The following SLIT2 variants were observed in gnomAD, a reference collection of about 807,000 sequenced individuals.
The protein encoded by SLIT2 is slit guidance ligand 2.
Under a neutral mutation model 185.7 loss-of-function variants are expected in SLIT2, and 41 were observed. That is an observed-to-expected ratio of 0.22 (90% CI 0.17 to 0.29). The LOEUF (loss-of-function observed/expected upper bound fraction) is 0.29, where lower values mean the gene tolerates loss of function less well. Ranked by LOEUF, SLIT2 falls within the 10% of genes least tolerant of loss-of-function variation. The pLI, the probability that SLIT2 is intolerant of heterozygous loss-of-function variation, is 1.00. For synonymous variants in SLIT2, 693 were observed against 680.2 expected (o/e 1.02, Z -0.29); for missense variants, 1,571 against 1,909.0 (o/e 0.82, Z 3.30).
chr4:20,484,234 A>G lies in SLIT2; in HGVS notation c.540-1966A>G, dbSNP rs1314566829. Reference sequence around the variant, plus strand: ...GCTATATACTATAAAGATTTTAGCCATATTAAGTCAGCATAAATTTTGAGG... The same window carrying G: ...GCTATATACTATAAAGATTTTAGCCGTATTAAGTCAGCATAAATTTTGAGG... On this transcript the variant is annotated intron_variant, in intron 6 of 36. Coordinates refer to ENST00000504154, the MANE Select transcript of SLIT2 (RefSeq NM_004787.4). The surrounding 1 kb of genome is among the most constrained non-coding windows in gnomAD (Gnocchi z 4.3). Among the ~76,000 whole-genome samples, 2 of 152,166 alleles carry G rather than the reference A, an allele frequency of 1.3e-5. No homozygotes were observed. The highest frequency in any genetic ancestry group is 1.9e-4 in the East Asian group (1 of 5,188).
chr4:20,375,553 G>T (rs1273300854), intron 4 of SLIT2, among the ~76,000 whole-genome samples: 4 of 152,008 alleles, frequency 2.6e-5, no homozygotes, highest in Admixed American at 2.0e-4. Flanking sequence ...CTAGGCTCTG[G>T]ATTTAGTTTT....
chr4:20,590,005 A>G (rs565090203), intron 30 of SLIT2, among the ~76,000 whole-genome samples: 23 of 139,584 alleles, frequency 1.6e-4, no homozygotes, highest in Admixed American at 2.5e-4. Context: ...TCCCAGGTTC[A>G]CGCCATTCTC....
intron 24 of SLIT2, among the ~76,000 whole-genome samples, chr4:20,549,596 G>A (rs1029105080): frequency 1.3e-5 from 2 of 151,782 alleles, no homozygotes; most frequent in Non-Finnish European, 2.9e-5. Flanking sequence ...TTTTTCAGAT[G>A]CATTTTTTTC....
At chr4:20,382,271 G>A (rs1037367364) in intron 4 of SLIT2, among the ~76,000 whole-genome samples, 1 of 152,076 alleles carries the variant, frequency 6.6e-6, no homozygotes, top group Non-Finnish European at 1.5e-5. Context: ...ATGGTGAAAT[G>A]CTTTTCCTCC....
At chr4:20,500,005 A>G (rs1162037214) in intron 9 of SLIT2, among the ~76,000 whole-genome samples, 2 of 152,216 alleles carry the variant, frequency 1.3e-5, no homozygotes, top group African/African-American at 2.4e-5. Context: ...AAAATACAGT[A>G]CAAAACTTGA....
chr4:20,266,314 T>C (rs1713032712), intron 3 of SLIT2, among the ~76,000 whole-genome samples: 1 of 151,958 alleles, frequency 6.6e-6, no homozygotes, highest in African/African-American at 2.4e-5. Context: ...TGAATTTGTT[T>C]AAACACATTG....
chr4:20,420,091 T>C (rs1019268018), intron 4 of SLIT2, among the ~76,000 whole-genome samples: 2 of 152,162 alleles, frequency 1.3e-5, no homozygotes, highest in African/African-American at 4.8e-5. Context: ...TCCAAATCAT[T>C]CCCTACTCAT....
chr4:20,577,600 T>C lies in SLIT2; in HGVS notation c.3088+8596T>C, dbSNP rs11941254. 9.0e-3 allele frequency among the ~76,000 whole-genome samples: 1,370 copies of C among 152,250 alleles called. 19 individuals are homozygous for C. Among genetic ancestry groups the C allele is most frequent in the African/African-American group, 0.031 (1,292 of 41,536 alleles). On this transcript the variant is annotated intron_variant, in intron 29 of 36. Coordinates refer to ENST00000504154, the MANE Select transcript of SLIT2 (RefSeq NM_004787.4). ...TATGTAACAAATAGGGCCTGCCTGG[T>C]TTAGCAAAAGAGGAGAAAATATACA...
At position 20,524,132 on chromosome 4, in the gene SLIT2, A is replaced by T. The variant is rs1387523730; in HGVS notation, c.1393A>T (p.Asn465Tyr). 4 of 1,614,074 alleles carry T rather than the reference A, an allele frequency of 2.5e-6. No individual in the cohort carries two copies. The highest frequency in any genetic ancestry group is 3.4e-6 in the Non-Finnish European group (4 of 1,180,044). Residue 465 changes from asparagine (N) to tyrosine (Y), a missense_variant, in exon 14 of 37, where the codon AAC becomes TAC. This residue lies in a region of SLIT2 where 1,202 missense variants were observed against 1,416.4 expected (regional missense o/e 0.85). Transcript: ENST00000504154. ...TTGCACCAGCCCCCGCCGCCTGGCA[A>T]ACAAAAGAATTGGACAGATCAAAAG... ...ARCTSPRRLANKRIGQIKSKK... is the reference protein window; with the variant it reads ...ARCTSPRRLAYKRIGQIKSKK...
At chr4:20,292,693 A>G (rs1716077320) in intron 4 of SLIT2, among the ~76,000 whole-genome samples, 1 of 152,204 alleles carries the variant, frequency 6.6e-6, no homozygotes, top group South Asian at 2.1e-4. Flanking sequence ...TTATTTCTCT[A>G]TATCAAACTC....
chr4:20,384,152 T>A (rs1279225681), intron 4 of SLIT2, among the ~76,000 whole-genome samples: 1 of 152,158 alleles, frequency 6.6e-6, no homozygotes, highest in African/African-American at 2.4e-5. Flanking sequence ...GTTCATTAGC[T>A]TTTTGCTGTG....
chr4:20,509,833 T>C (rs1452719930), intron 9 of SLIT2, among the ~76,000 whole-genome samples: 1 of 152,196 alleles, frequency 6.6e-6, no homozygotes, highest in Non-Finnish European at 1.5e-5. Flanking sequence ...GTGATTTTAG[T>C]ATACCATAAA....
chr4:20,302,109 T>C (rs576719469), intron 4 of SLIT2, among the ~76,000 whole-genome samples: 2 of 152,364 alleles, frequency 1.3e-5, no homozygotes, highest in East Asian at 3.9e-4. Context: ...ATTAATTTTT[T>C]TGCTTTTCAT....
chr4:20,444,294 G>T (rs927597489), intron 4 of SLIT2, among the ~76,000 whole-genome samples: 2 of 152,016 alleles, frequency 1.3e-5, no homozygotes, highest in East Asian at 3.9e-4. Flanking sequence ...CATTTAAGGA[G>T]AATTATTGGG....
chr4:20,485,617 G>A (rs1717147765), intron 6 of SLIT2, among the ~76,000 whole-genome samples: 1 of 152,124 alleles, frequency 6.6e-6, no homozygotes, highest in South Asian at 2.1e-4. Flanking sequence ...CGGTGCTACA[G>A]CAAGTTACTT....
At chr4:20,283,114 G>A (rs929881551) in intron 4 of SLIT2, among the ~76,000 whole-genome samples, 6 of 121,202 alleles carry the variant, frequency 5.0e-5, no homozygotes, top group African/African-American at 9.8e-5. Flanking sequence ...GCCTGTGTGC[G>A]CGCGCGCACA....
intron 4 of SLIT2, among the ~76,000 whole-genome samples, chr4:20,303,878 T>C (rs781722266): frequency 9.9e-5 from 15 of 152,116 alleles, no homozygotes; most frequent in Non-Finnish European, 1.8e-4. Flanking sequence ...GAGTAGGTGG[T>C]AAGTTCAAGG....
chr4:20,533,934 T>TACAC (rs3049205), intron 18 of SLIT2, among the ~76,000 whole-genome samples: 57,429 of 150,918 alleles, frequency 0.38, 10,841 homozygotes, highest in African/African-American at 0.44. Flanking sequence ...CGATGTGTGT[T>TACAC]ACACACACAC....
intron 18 of SLIT2, among the ~76,000 whole-genome samples, chr4:20,536,790 ATT>A (rs1248740507): frequency 6.6e-6 from 1 of 151,772 alleles, no homozygotes; most frequent in Non-Finnish European, 1.5e-5. Context: ...TTATATAAGA[ATT>A]TTTTATTTTC....
Sources: allele counts gnomAD v4.1 joint callset (sites outside exome capture counted in the v4.1 genomes callset), GRCh38; gene constraint gnomAD v4.1.1; regional missense constraint gnomAD v4.1.1; non-coding constraint Gnocchi (gnomAD v3.1); transcripts MANE v1.5; gene names NCBI Gene and HGNC (gene_info 2026-07-23, HGNC 2026-07-21).